Variants in ECSIT observed in about 807,000 individuals in gnomAD.
The protein encoded by ECSIT is evolutionarily conserved signaling intermediate in Toll pathway, mitochondrial.
ECSIT carries 29 observed loss-of-function variants against 36.8 expected under a neutral mutation model. That is an observed-to-expected ratio of 0.79 (90% CI 0.59 to 1.08). ECSIT has a LOEUF of 1.08. Ranked by LOEUF, ECSIT falls within the 50% of genes least tolerant of loss-of-function variation. The pLI is 0.00. For missense variants in ECSIT, 542 were observed against 581.0 expected (o/e 0.93, Z 0.69); for synonymous variants, 231 against 234.8 (o/e 0.98, Z 0.15).
chr19:11,521,607 A>C (rs868212487), intron 1 of ECSIT, among the ~76,000 whole-genome samples: 1 of 151,902 alleles, frequency 6.6e-6, no homozygotes, highest in Non-Finnish European at 1.5e-5. Flanking sequence ...ATCTCTACTA[A>C]AAAAACAAAA....
intron 1 of ECSIT, chr19:11,522,156 T>C (rs1457718104): frequency 1.6e-5 from 7 of 438,092 alleles, no homozygotes; most frequent in Non-Finnish European, 2.5e-5. Context: ...GACTGTCAAC[T>C]GTGGGCAGGC....
chr19:11,523,767 A>G (rs948448264), intron 1 of ECSIT: 2 of 676,584 alleles, frequency 3.0e-6, no homozygotes, highest in South Asian at 2.8e-5. Context: ...GTAGTAGTTA[A>G]GGACTATGGC....
In ECSIT at chr19:11,505,997, C is replaced by G; in HGVS notation, c.*187G>C. Reference sequence around the variant, plus strand: ...GGAGAACCAGAGGCGCCTGCAGATTCTGGAGGGGTCTCGCCTGCCCATCGC... The same window carrying G: ...GGAGAACCAGAGGCGCCTGCAGATTGTGGAGGGGTCTCGCCTGCCCATCGC... On this transcript the variant is annotated 3_prime_UTR_variant, in exon 8 of 8. Coordinates refer to ENST00000270517, the MANE Select transcript of ECSIT (RefSeq NM_016581.5). 9.3e-7 allele frequency: 1 copy of G among 1,069,662 alleles called. No homozygotes were observed. Among genetic ancestry groups the G allele is most frequent in the Non-Finnish European group, 1.3e-6 (1 of 748,832 alleles). 66.3% of individuals were successfully genotyped at this position (1,069,662 alleles called of 1,614,324 possible).
intron 1 of ECSIT, among the ~76,000 whole-genome samples, chr19:11,526,556 T>C (rs1377043457): frequency 2.6e-5 from 4 of 152,100 alleles, no homozygotes; most frequent in Non-Finnish European, 5.9e-5. Flanking sequence ...CACTCTCCTA[T>C]TCAATCCATC....
rs752404076 is a variant in ECSIT, at chr19:11,505,981, G to A, written c.*203C>T. ...CTTTTTATTTGAATTCGGAGAACCA[G>A]AGGCGCCTGCAGATTCTGGAGGGGT... On this transcript the variant is annotated 3_prime_UTR_variant, in exon 8 of 8. Transcript: ENST00000270517. The A allele has an allele frequency of 1.0e-6, 1 of 987,504 alleles. No individual in the cohort carries two copies. The highest frequency in any genetic ancestry group is 1.5e-6 in the Non-Finnish European group (1 of 683,002). The allele number at this position is 987,504 out of a possible 1,614,324, so 61.2% of individuals were successfully genotyped here.
chr19:11,522,474 CA>C (rs1158649102), intron 1 of ECSIT: 32 of 1,372,716 alleles, frequency 2.3e-5, no homozygotes, highest in Non-Finnish European at 2.4e-5. Flanking sequence ...GCTTCACCAC[CA>C]AAAGGCCCAA....
intron 4 of ECSIT, among the ~76,000 whole-genome samples, chr19:11,509,156 T>C (rs1971819668): frequency 6.7e-6 from 1 of 148,214 alleles, no homozygotes; most frequent in Admixed American, 6.8e-5. Flanking sequence ...CACCGCAACC[T>C]CCACCTCCTG....
In ECSIT at chr19:11,505,961, T is replaced by A; in HGVS notation, c.*223A>T. The A allele has an allele frequency of 1.1e-6, 1 of 940,930 alleles. No homozygotes were observed. The highest frequency in any genetic ancestry group is 1.7e-5 in the African/African-American group (1 of 59,606). The allele number at this position is 940,930 out of a possible 1,614,324, so 58.3% of individuals were successfully genotyped here. On this transcript the variant is annotated 3_prime_UTR_variant, in exon 8 of 8. Coordinates refer to ENST00000270517, the MANE Select transcript of ECSIT (RefSeq NM_016581.5). ...AACCAACAGCGCTCCCGCCCCTTTT[T>A]ATTTGAATTCGGAGAACCAGAGGCG...
chr19:11,515,263 C>T (rs1028525457), intron 2 of ECSIT, among the ~76,000 whole-genome samples: 6 of 151,892 alleles, frequency 4.0e-5, no homozygotes, highest in Admixed American at 2.0e-4. Flanking sequence ...GCCACCACGC[C>T]CAGCTAATTT....
At chr19:11,515,262 C>T (rs979191335) in intron 2 of ECSIT, among the ~76,000 whole-genome samples, 5 of 151,966 alleles carry the variant, frequency 3.3e-5, no homozygotes, top group African/African-American at 1.2e-4. Context: ...TGCCACCACG[C>T]CCAGCTAATT....
At chr19:11,515,738 ATTCTTCTGCC>A (rs1235935448) in intron 2 of ECSIT, among the ~76,000 whole-genome samples, 1 of 152,086 alleles carries the variant, frequency 6.6e-6, no homozygotes, top group Non-Finnish European at 1.5e-5. Context: ...GGTTCAAGCA[ATTCTTCTGCC>A]TCAGCCTCCC....
chr19:11,513,855 G>C lies in ECSIT; in HGVS notation c.463C>G (p.Pro155Ala), dbSNP rs752306023. ...NIIQRIFVHY[P>A]RQQECGIAVL... ...GCAATCCCACACTCCTGCTGCCGAG[G>C]GTAGTGGACGAAGATGCGCTGGATG... Residue 155 changes from proline to alanine, a missense_variant, in exon 3 of 8, where the codon CCT becomes GCT. Pro to Ala is a conservative substitution (Grantham distance 27, BLOSUM62 -1). Transcript: ENST00000270517. The C allele has an allele frequency of 6.2e-7, 1 of 1,614,134 alleles. No homozygotes were observed. Among genetic ancestry groups the C allele is most frequent in the South Asian group, 1.1e-5 (1 of 91,080 alleles).
At chr19:11,527,874 G>A (rs973437940) in intron 1 of ECSIT, among the ~76,000 whole-genome samples, 2 of 152,002 alleles carry the variant, frequency 1.3e-5, no homozygotes, top group Non-Finnish European at 2.9e-5. Flanking sequence ...TGCACCTGTA[G>A]TTCCAGCTAC....
intron 4 of ECSIT, among the ~76,000 whole-genome samples, chr19:11,508,655 C>T (rs906755989): frequency 6.6e-6 from 1 of 151,854 alleles, no homozygotes; most frequent in Non-Finnish European, 1.5e-5. Context: ...TGGGTTCAAG[C>T]GATTCTCCTG....
chr19:11,506,251 G>T lies in ECSIT; in HGVS notation c.1229C>A (p.Pro410Gln), dbSNP rs200298350. 140 of 1,610,604 alleles carry T rather than the reference G, an allele frequency of 8.7e-5. 1 individual carries two copies. The highest frequency in any genetic ancestry group is 3.3e-4 in the Middle Eastern group (2 of 6,054). The change falls in exon 8 of 8, where the codon CCG (proline) becomes CAG (glutamine). Residue 410 changes from proline to glutamine, a missense_variant. Coordinates refer to ENST00000270517, the MANE Select transcript of ECSIT (RefSeq NM_016581.5). ...TTCCTGGTGGTCCTCGGGCAGGGGC[G>T]GCTCCTCCAGCCCTGCAGAGGATGT... ...LQTSSAGLEE[P>Q]PLPEDHQEED...
At chr19:11,522,659 G>A (rs1972129928) in intron 1 of ECSIT, among the ~76,000 whole-genome samples, 1 of 152,052 alleles carries the variant, frequency 6.6e-6, no homozygotes, top group African/African-American at 2.4e-5. Flanking sequence ...GTTACAGTAA[G>A]CTGAGATCGC....
rs878945843 is a variant in ECSIT, at chr19:11,523,552, C to T, written c.-23-4359G>A. 7 of 1,073,144 alleles carry T rather than the reference C, an allele frequency of 6.5e-6. No individual in the cohort carries two copies. In the South Asian group the frequency reaches 8.0e-5, roughly 12 times the overall value. The allele number at this position is 1,073,144 out of a possible 1,614,324, so 66.5% of individuals were successfully genotyped here. The stretch of plus-strand genomic sequence containing the variant: ...TAGCACGTGGAATCTGTGAAGCTGC[C>T]AAAGCCTTAGACAAGCGCCAAGCCC... On this transcript the variant is annotated intron_variant, in intron 1 of 7. Coordinates refer to ENST00000270517, the MANE Select transcript of ECSIT (RefSeq NM_016581.5).
chr19:11,506,532 T>C, intron 7 of ECSIT, 104 bp from the exon 8 acceptor site: 1 of 731,840 alleles, frequency 1.4e-6, no homozygotes, highest in Non-Finnish European at 1.8e-6. Flanking sequence ...CCACTTCCTT[T>C]TTTTTTTTTT....
chr19:11,526,056 CT>C (rs1972210365), intron 1 of ECSIT, among the ~76,000 whole-genome samples: 1 of 151,796 alleles, frequency 6.6e-6, no homozygotes. Flanking sequence ...CCTCCGTATC[CT>C]GGGTTCAAGC....
Sources: gnomAD v4.1 joint callset for allele counts (sites outside exome capture counted in the v4.1 genomes callset) on GRCh38, gnomAD v4.1.1 for gene constraint, MANE v1.5 for transcripts, NCBI Gene and HGNC (gene_info 2026-07-23, HGNC 2026-07-21) for gene names.